Variants in ENPEP observed in about 807,000 individuals in gnomAD.
ENPEP encodes the protein AP-A.
A neutral mutation model predicts 114.5 loss-of-function variants in ENPEP; 103 were observed. That is an observed-to-expected ratio of 0.90 (90% CI 0.77 to 1.06). ENPEP has a LOEUF of 1.06. Among genes scored for constraint, ENPEP ranks in the 50% least tolerant of loss-of-function variants. The probability of loss-of-function intolerance (pLI) is 0.00; values close to 1 mark genes in which losing one functional copy is unlikely to be tolerated. For missense variants in ENPEP, 1,196 were observed against 1,161.3 expected (o/e 1.03, Z -0.43); for synonymous variants, 420 against 422.0 (o/e 1.00, Z 0.06).
intron 17 of ENPEP, among the ~76,000 whole-genome samples, chr4:110,551,101 A>AG (rs1363735035): frequency 1.3e-5 from 2 of 151,930 alleles, no homozygotes; most frequent in African/African-American, 4.8e-5. Flanking sequence ...TTAAAAAAAA[A>AG]AAAAAAAAAA....
chr4:110,479,299 T>G (rs979400293), intron 1 of ENPEP, among the ~76,000 whole-genome samples: 1 of 152,192 alleles, frequency 6.6e-6, no homozygotes, highest in Non-Finnish European at 1.5e-5. Context: ...GTTGATTCAC[T>G]TTTCCATTAA....
chr4:110,508,200 C>G (rs1725439520), intron 4 of ENPEP, among the ~76,000 whole-genome samples: 1 of 143,664 alleles, frequency 7.0e-6, no homozygotes, highest in South Asian at 2.2e-4. Flanking sequence ...TTAGAGGTGA[C>G]TTCTGCATTT....
At chr4:110,526,674 C>T (rs1439293451) in intron 10 of ENPEP, among the ~76,000 whole-genome samples, 1 of 152,158 alleles carries the variant, frequency 6.6e-6, no homozygotes, top group East Asian at 1.9e-4. Flanking sequence ...GTCACATTTA[C>T]ATTTTTCAAA....
At chr4:110,534,599 CT>C in intron 11 of ENPEP, among the ~76,000 whole-genome samples, 1 of 150,892 alleles carries the variant, frequency 6.6e-6, no homozygotes, top group East Asian at 1.9e-4. Context: ...CGTCCGCCCC[CT>C]GGGTTCAAGT....
chr4:110,506,396 C>T lies in ENPEP; in HGVS notation c.919-241C>T, dbSNP rs1249576065. 7.6e-6 allele frequency: 3 copies of T among 393,404 alleles called. No homozygotes were observed. The Admixed American group carries it at 1.3e-4, about 17-fold the overall frequency. The allele number at this position is 393,404 out of a possible 1,614,324, so 24.4% of individuals were successfully genotyped here. The stretch of plus-strand genomic sequence containing the variant: ...CATTGTGTCTTACATTATTTCTAGT[C>T]ATTAAAATCACTTAGTGAGTTGTGA... On this transcript the variant is annotated intron_variant, in intron 3 of 19. Coordinates refer to ENST00000265162, the MANE Select transcript of ENPEP (RefSeq NM_001977.4).
intron 8 of ENPEP, among the ~76,000 whole-genome samples, chr4:110,516,076 A>T (rs1227320744): frequency 2.0e-5 from 3 of 152,210 alleles, no homozygotes; most frequent in African/African-American, 4.8e-5. Flanking sequence ...CCATAGCAAC[A>T]TGATATAAAC....
At chr4:110,551,093 A>T (rs377688770) in intron 17 of ENPEP, among the ~76,000 whole-genome samples, 1 of 105,370 alleles carries the variant, frequency 9.5e-6, no homozygotes, top group Non-Finnish European at 2.0e-5. Context: ...GTATCTATTT[A>T]AAAAAAAAAA....
rs1724683298 is a variant in ENPEP at position 110,490,930 on chromosome 4, T to G, written c.787-103T>G. On this transcript the variant is annotated intron_variant, in intron 2 of 19. Transcript: ENST00000265162. Reference sequence around the variant, plus strand: ...TGACCTCTAAGCTTTGACAAAGGACTTCTGGCTAGAAAGCAAGGTTTGGGG... The same window carrying G: ...TGACCTCTAAGCTTTGACAAAGGACGTCTGGCTAGAAAGCAAGGTTTGGGG... The G allele has an allele frequency of 3.2e-6, 4 of 1,253,524 alleles. No homozygotes were observed. In the South Asian group the frequency reaches 6.3e-5, roughly 20 times the overall value. The allele number at this position is 1,253,524 out of a possible 1,614,324, so 77.7% of individuals were successfully genotyped here.
intron 11 of ENPEP, among the ~76,000 whole-genome samples, chr4:110,541,513 T>G (rs759724662): frequency 2.6e-5 from 4 of 152,168 alleles, no homozygotes; most frequent in Non-Finnish European, 4.4e-5. Context: ...GCCCTCATCC[T>G]CTATTGCCCT....
chr4:110,512,762 A>G (rs1415072095), intron 6 of ENPEP: 2 of 152,220 alleles, frequency 1.3e-5, no homozygotes, highest in Admixed American at 1.3e-4. Context: ...CAAAAAGTAC[A>G]GGCCATAATT....
chr4:110,509,857 A>G, intron 5 of ENPEP, 50 bp downstream of exon 5: 1 of 1,569,362 alleles, frequency 6.4e-7, no homozygotes, highest in East Asian at 2.3e-5. Context: ...GTGGCTTAAG[A>G]CCACAGGAAT....
intron 14 of ENPEP, among the ~76,000 whole-genome samples, chr4:110,549,023 A>G (rs1420230745): frequency 1.3e-5 from 2 of 152,068 alleles, no homozygotes. Context: ...ATTATTTCAT[A>G]TATGCTTAAA....
intron 18 of ENPEP, among the ~76,000 whole-genome samples, chr4:110,557,524 CACTG>C (rs1242205449): frequency 6.6e-6 from 1 of 152,160 alleles, no homozygotes; most frequent in African/African-American, 2.4e-5. Context: ...AGCATGAGCA[CACTG>C]ACTATTTCCT....
chr4:110,508,555 T>C (rs914175270), intron 4 of ENPEP, among the ~76,000 whole-genome samples: 1 of 152,252 alleles, frequency 6.6e-6, no homozygotes, highest in Non-Finnish European at 1.5e-5. Flanking sequence ...CTCACGCCTG[T>C]AATCCCAGCA....
intron 3 of ENPEP, among the ~76,000 whole-genome samples, chr4:110,504,201 G>A (rs1206224178): frequency 6.6e-6 from 1 of 152,134 alleles, no homozygotes; most frequent in Non-Finnish European, 1.5e-5. Flanking sequence ...ACCAATTGGT[G>A]CAATCAGCCC....
Position 110,489,843 on chromosome 4 carries a change from A to G in ENPEP, c.786+1161A>G, listed in dbSNP as rs186135923. 4.6e-5 allele frequency among the ~76,000 whole-genome samples: 7 copies of G among 152,318 alleles called. No individual in the cohort carries two copies. In the East Asian group the frequency reaches 1.2e-3, roughly 25 times the overall value. On this transcript the variant is annotated intron_variant, in intron 2 of 19. Coordinates refer to ENST00000265162, the MANE Select transcript of ENPEP (RefSeq NM_001977.4). ...ATGTCTCCCATCTTTCTGATCCACT[A>G]TTTGAAATATTGTCATTAAAATTCA...
intron 13 of ENPEP, among the ~76,000 whole-genome samples, chr4:110,545,955 C>T (rs527341619): frequency 1.3e-5 from 2 of 152,114 alleles, no homozygotes; most frequent in Admixed American, 6.6e-5. Context: ...CACCAAGCCA[C>T]GGTGCCTCCA....
At chr4:110,559,576 C>T in intron 18 of ENPEP, 71 bp from the exon 19 acceptor site, 2 of 1,080,706 alleles carry the variant, frequency 1.9e-6, no homozygotes. Context: ...AAAAAGGAAA[C>T]ATCTGCATTT....
intron 3 of ENPEP, among the ~76,000 whole-genome samples, chr4:110,498,720 A>G (rs1378007158): frequency 6.6e-6 from 1 of 152,172 alleles, no homozygotes; most frequent in Non-Finnish European, 1.5e-5. Flanking sequence ...GGCAGTGGTA[A>G]CGGGCAGTCT....
Sources: gnomAD v4.1 joint callset for allele counts (sites outside exome capture counted in the v4.1 genomes callset) on GRCh38, gnomAD v4.1.1 for gene constraint, MANE v1.5 for transcripts, NCBI Gene and HGNC (gene_info 2026-07-23, HGNC 2026-07-21) for gene names.